The following ADAMTS8 variants were observed in gnomAD, a reference collection of about 807,000 sequenced individuals.
The protein encoded by ADAMTS8 is A disintegrin and metalloproteinase with thrombospondin motifs 8.
ADAMTS8 carries 50 observed loss-of-function variants against 64.4 expected under a neutral mutation model. The observed-to-expected ratio is 0.78, with a 90% CI of 0.62 to 0.98. The LOEUF is 0.98. Among genes scored for constraint, ADAMTS8 ranks in the 50% least tolerant of loss-of-function variants. The probability of loss-of-function intolerance (pLI) is 0.00; values close to 1 mark genes in which losing one functional copy is unlikely to be tolerated. For synonymous variants in ADAMTS8, 556 were observed against 533.6 expected (o/e 1.04, Z -0.58); for missense variants, 1,192 against 1,208.2 (o/e 0.99, Z 0.20).
chr11:130,417,138 G>A (rs1342321859), intron 2 of ADAMTS8, 63 bp from the exon 3 acceptor site: 5 of 1,599,066 alleles, frequency 3.1e-6, no homozygotes, highest in Non-Finnish European at 4.3e-6. Flanking sequence ...CTGCAGGCCT[G>A]CAGGGCCGGG....
In ADAMTS8 at chr11:130,419,053, C is replaced by T; in HGVS notation, c.960G>A (p.Gln320=). 1 of 1,614,096 alleles carries T rather than the reference C, an allele frequency of 6.2e-7. No individual in the cohort carries two copies. Among genetic ancestry groups the T allele is most frequent in the Non-Finnish European group, 8.5e-7 (1 of 1,180,036 alleles). The change falls in exon 2 of 9, where the codon CAG becomes CAA. Residue 320 remains glutamine, a splice_region_variant and synonymous_variant. Coordinates refer to ENST00000257359, the MANE Select transcript of ADAMTS8 (RefSeq NM_007037.6). ...AGGGCTTCCGGAGCCAGGCACGGAC[C>T]TGTCTGGTGAGCAGGATGGCCGTGT... is the stretch of plus-strand genomic sequence containing the variant. ...HYDTAILLTR[Q]NFCGQEGLCD...
Position 130,405,757 on chromosome 11 carries a change from G to A in ADAMTS8, c.2471C>T (p.Thr824Ile). The A allele has an allele frequency of 6.2e-7, 1 of 1,614,208 alleles. No homozygotes were observed. The highest frequency in any genetic ancestry group is 8.5e-7 in the Non-Finnish European group (1 of 1,180,052). ...FSMQSSKERATTNIIQPLLHA... is the reference protein window; with the variant it reads ...FSMQSSKERAITNIIQPLLHA... ...GAGCAGCGGCTGGATGATGTTGGTG[G>A]TTGCTCTCTCTTTGCTGCTCTGCAT... Residue 824 changes from threonine (T) to isoleucine (I), a missense_variant, in exon 9 of 9, where the codon ACC becomes ATC. Physicochemically the swap from Thr to Ile is moderately conservative, Grantham distance 89. Around this residue, in one of 5 missense-constraint regions of ADAMTS8, gnomAD observed 147 missense variants for 154.1 expected, o/e 0.95. Transcript: ENST00000257359.
chr11:130,405,000 C>T lies in ADAMTS8; in HGVS notation c.*558G>A. Reference sequence around the variant, plus strand: ...ATGGATCCACCCCTGCAGGTGGCAGCCTGAGAACATGTGGCTCTCCAAACC... The same window carrying T: ...ATGGATCCACCCCTGCAGGTGGCAGTCTGAGAACATGTGGCTCTCCAAACC... On this transcript the variant is annotated 3_prime_UTR_variant, in exon 9 of 9. Transcript: ENST00000257359. The T allele has an allele frequency of 4.1e-6, 4 of 986,398 alleles. No individual in the cohort carries two copies. The highest frequency in any genetic ancestry group is 4.8e-6 in the Non-Finnish European group (4 of 830,412). The allele number at this position is 986,398 out of a possible 1,614,324, so 61.1% of individuals were successfully genotyped here.
Position 130,411,821 on chromosome 11 carries a change from T to A in ADAMTS8, c.1567-221A>T. On this transcript the variant is annotated intron_variant, in intron 5 of 8. Transcript: ENST00000257359. The surrounding 1 kb of genome is among the most constrained non-coding windows in gnomAD (Gnocchi z 4.2). ...GACTCATTCACTACTGACTCCTCAG[T>A]GTCTAAAACAGTGCCTTATGCTTAG... 1 of 579,226 alleles carries A rather than the reference T, an allele frequency of 1.7e-6. No homozygotes were observed. Among genetic ancestry groups the A allele is most frequent in the Non-Finnish European group, 3.1e-6 (1 of 327,664 alleles). 35.9% of individuals were successfully genotyped at this position (579,226 alleles called of 1,614,324 possible).
intron 1 of ADAMTS8, 58 bp downstream of exon 1, chr11:130,427,509 C>T: frequency 2.3e-6 from 3 of 1,293,592 alleles, no homozygotes; most frequent in Non-Finnish European, 3.1e-6. Flanking sequence ...TTTAGAGACG[C>T]TGGGAGGCGT....
At chr11:130,414,031 C>A (rs550989502) in intron 5 of ADAMTS8, among the ~76,000 whole-genome samples, 20 of 144,490 alleles carry the variant, frequency 1.4e-4, no homozygotes, top group Admixed American at 3.6e-4. Flanking sequence ...GGCTCCTCAC[C>A]GTGTGGATAA....
rs1245787030 is a variant in ADAMTS8 at position 130,427,600 on chromosome 11, C to T, written c.687G>A (p.Ala229=). The change falls in exon 1 of 9, where the codon GCG becomes GCA. Residue 229 remains alanine (A), a synonymous_variant. Transcript: ENST00000257359. ...CGGCCCCGTAGAAGGCAGCCATGGA[C>T]GCATCGGCCACCAGCAGCGTCTCCA... ...RFVETLLVAD[A]SMAAFYGADL... The T allele has an allele frequency of 6.5e-7, 1 of 1,543,880 alleles. No homozygotes were observed. The highest frequency in any genetic ancestry group is 1.2e-5 in the South Asian group (1 of 84,190).
chr11:130,411,696 G>T lies in ADAMTS8; in HGVS notation c.1567-96C>A. The stretch of plus-strand genomic sequence containing the variant: ...GCCAATGCCCTGGCTTCCTCATCTA[G>T]TCATTATCATCTTGGTGCATGGAGT... On this transcript the variant is annotated intron_variant, in intron 5 of 8. Transcript: ENST00000257359. The surrounding 1 kb of genome is among the most constrained non-coding windows in gnomAD (Gnocchi z 4.2). The T allele has an allele frequency of 7.9e-7, 1 of 1,266,728 alleles. No individual in the cohort carries two copies. Among genetic ancestry groups the T allele is most frequent in the Non-Finnish European group, 1.1e-6 (1 of 898,732 alleles). The allele number at this position is 1,266,728 out of a possible 1,614,324, so 78.5% of individuals were successfully genotyped here. A position where few individuals can be genotyped will look rare whatever the true frequency, so the allele number is the denominator to read the frequency against.
intron 2 of ADAMTS8, among the ~76,000 whole-genome samples, chr11:130,418,007 C>CAAAAAAAAAAAA (rs5795694): frequency 5.3e-5 from 5 of 93,932 alleles, no homozygotes; most frequent in African/African-American, 1.7e-4. Context: ...CTACAAAAAG[C>CAAAAAAAAAAAA]AAAAAAAAAA....
chr11:130,428,251 C>T lies in ADAMTS8; in HGVS notation c.36G>A (p.Pro12=), dbSNP rs1385662903. ...LPAPAAPRWP[P]LLLLLLLLLP... is the part of the protein sequence containing the mutation. ...GCAGCAGCAGCAGCAGCAGCAGGAG[C>T]GGAGGCCACCGGGGGGCGGCGGGGG... Residue 12 remains proline (P), a synonymous_variant, in exon 1 of 9, where the codon CCG becomes CCA. Transcript: ENST00000257359. 8.3e-7 allele frequency: 1 copy of T among 1,206,144 alleles called. No homozygotes were observed. The highest frequency in any genetic ancestry group is 1.0e-6 in the Non-Finnish European group (1 of 974,842). 74.7% of individuals were successfully genotyped at this position (1,206,144 alleles called of 1,614,324 possible).
chr11:130,414,793 A>G lies in ADAMTS8; in HGVS notation c.1304T>C (p.Leu435Pro). 2 of 1,612,384 alleles carry G rather than the reference A, an allele frequency of 1.2e-6. No individual in the cohort carries two copies. Among genetic ancestry groups the G allele is most frequent in the East Asian group, 4.5e-5 (2 of 44,838 alleles). ...LLDAPAAALP[L>P]PTGLPGRMAL... is the part of the protein sequence containing the mutation. The stretch of plus-strand genomic sequence containing the variant: ...CATGCGGCCCGGGAGGCCTGTGGGG[A>G]GGGGCAGGGCCGCAGCAGGGGCATC... Residue 435 changes from leucine to proline, a missense_variant, in exon 5 of 9, where the codon CTC becomes CCC. Transcript: ENST00000257359.
chr11:130,414,584 G>A lies in ADAMTS8; in HGVS notation c.1513C>T (p.His505Tyr), dbSNP rs1273789487. The A allele has an allele frequency of 3.1e-6, 5 of 1,612,812 alleles. No individual in the cohort carries two copies. In the Admixed American group the frequency reaches 8.3e-5, roughly 27 times the overall value. Residue 505 changes from histidine (H) to tyrosine (Y), a missense_variant, in exon 5 of 9, where the codon CAC (histidine) becomes TAC (tyrosine). His to Tyr is a moderately conservative substitution (Grantham distance 83). Transcript: ENST00000257359. ...WADGTPCGPG[H>Y]LCSEGSCLPE... ...AGACAGCTGCCTTCTGAGCAGAGGT[G>A]CCCAGGCCCGCACGGCGTGCCGTCA...
rs368655822 is a variant in ADAMTS8, at chr11:130,419,049, G to A, written c.960+4C>T. 2.0e-5 allele frequency: 33 copies of A among 1,613,900 alleles called. No individual in the cohort carries two copies. The highest frequency in any genetic ancestry group is 1.6e-4 in the East Asian group (7 of 44,882). ...CCCCAGGGCTTCCGGAGCCAGGCACGGACCTGTCTGGTGAGCAGGATGGCC... is the reference window on the plus strand; with the variant it reads ...CCCCAGGGCTTCCGGAGCCAGGCACAGACCTGTCTGGTGAGCAGGATGGCC... On this transcript the variant is annotated splice_donor_region_variant and intron_variant, in intron 2 of 8. Transcript: ENST00000257359.
intron 8 of ADAMTS8, among the ~76,000 whole-genome samples, chr11:130,407,077 G>C (rs1318240468): frequency 6.6e-6 from 1 of 152,206 alleles, no homozygotes; most frequent in Non-Finnish European, 1.5e-5. Flanking sequence ...AATGTAAAAA[G>C]AGTTCCAAGG....
rs186687239 is a variant in ADAMTS8 at position 130,427,650 on chromosome 11, G to T, written c.637C>A (p.Arg213=). Residue 213 remains arginine (R), a synonymous_variant, in exon 1 of 9, where the codon CGG becomes AGG. Transcript: ENST00000257359. ...ACGAAGCGCGCCTCAGACACAAACC[G>T]CTTGGTCCTACTCGTGGCCCCCAGG... The part of the protein sequence containing the change: ...PPLGATSRTK[R]FVSEARFVET... 767 of 1,588,258 alleles carry T rather than the reference G, an allele frequency of 4.8e-4. 5 individuals carry two copies. The highest frequency in any genetic ancestry group is 1.7e-4 in the Non-Finnish European group (195 of 1,169,734).
chr11:130,410,802 T>C (rs1195562018), intron 6 of ADAMTS8, among the ~76,000 whole-genome samples: 1 of 152,192 alleles, frequency 6.6e-6, no homozygotes, highest in Non-Finnish European at 1.5e-5. Flanking sequence ...GGGATAGGAA[T>C]ATGCCAAGGG....
chr11:130,410,339 A>G (rs1344117808), intron 6 of ADAMTS8, among the ~76,000 whole-genome samples: 2 of 152,110 alleles, frequency 1.3e-5, no homozygotes, highest in Non-Finnish European at 1.5e-5. Context: ...GACACACAAA[A>G]AATACTAAAA....
rs751201703 is a variant in ADAMTS8 at position 130,428,320 on chromosome 11, G to T, written c.-34C>A. ...CGGCGGTGGCTGCGCGCAGGAGAGG[G>T]AAGAAGCCCGCCAGGCGCGGGCAGG... On this transcript the variant is annotated 5_prime_UTR_variant, in exon 1 of 9. Coordinates refer to ENST00000257359, the MANE Select transcript of ADAMTS8 (RefSeq NM_007037.6). The T allele has an allele frequency of 2.0e-4, 251 of 1,259,868 alleles. No individual in the cohort carries two copies. The African/African-American group carries it at 3.3e-3, about 17-fold the overall frequency. 78.0% of individuals were successfully genotyped at this position (1,259,868 alleles called of 1,614,324 possible).
chr11:130,405,524 C>T lies in ADAMTS8; in HGVS notation c.*34G>A. ...TTGTCTGCACCTCAGTACCGCATGTCCAGGAGCACAAGACTGGCCCCTGCC... is the reference window on the plus strand; with the variant it reads ...TTGTCTGCACCTCAGTACCGCATGTTCAGGAGCACAAGACTGGCCCCTGCC... On this transcript the variant is annotated 3_prime_UTR_variant, in exon 9 of 9. Coordinates refer to ENST00000257359, the MANE Select transcript of ADAMTS8 (RefSeq NM_007037.6). 1.3e-6 allele frequency: 2 copies of T among 1,558,860 alleles called. No individual in the cohort carries two copies. The highest frequency in any genetic ancestry group is 1.7e-6 in the Non-Finnish European group (2 of 1,152,240).
Sources: allele counts gnomAD v4.1 joint callset (sites outside exome capture counted in the v4.1 genomes callset), GRCh38; gene constraint gnomAD v4.1.1; regional missense constraint gnomAD v4.1.1; non-coding constraint Gnocchi (gnomAD v3.1); transcripts MANE v1.5; gene names NCBI Gene and HGNC (gene_info 2026-07-23, HGNC 2026-07-21).